Variants in NCOR2 observed in about 807,000 individuals in gnomAD.
NCOR2 encodes the protein CTG repeat protein 26.
In NCOR2, 81 loss-of-function variants were observed where a neutral mutation model predicts 262.9. That is an observed-to-expected ratio of 0.31 (90% CI 0.26 to 0.37). The LOEUF (loss-of-function observed/expected upper bound fraction) is 0.37. NCOR2 is among the 10% of genes least tolerant of loss of function. The probability of loss-of-function intolerance (pLI) is 1.00; values close to 1 mark genes in which losing one functional copy is unlikely to be tolerated. For missense variants in NCOR2, 3,385 were observed against 3,621.4 expected, an observed-to-expected ratio of 0.93 and a Z score of 1.68; for synonymous variants, 1,659 against 1,559.3, an observed-to-expected ratio of 1.06 and a Z score of -1.51.
intron 22 of NCOR2, among the ~76,000 whole-genome samples, chr12:124,360,901 G>C (rs1233252595): frequency 6.6e-6 from 1 of 152,122 alleles, no homozygotes; most frequent in African/African-American, 2.4e-5. Flanking sequence ...GTGTTCCCTG[G>C]TTTAACATCC....
intron 37 of NCOR2, among the ~76,000 whole-genome samples, chr12:124,338,868 A>C: frequency 6.6e-6 from 1 of 151,064 alleles, no homozygotes. Context: ...TACTCATCCA[A>C]CCATCCATTC....
intron 23 of NCOR2, among the ~76,000 whole-genome samples, 194 bp downstream of exon 25, chr12:124,356,448 G>A (rs1334920971): frequency 2.0e-5 from 3 of 152,194 alleles, no homozygotes; most frequent in African/African-American, 4.8e-5. Context: ...CCTCTTGCCA[G>A]TGGCTTCCAT....
In NCOR2 at chr12:124,517,344, T is replaced by C. The variant is rs1352203085; in HGVS notation, c.-118+18221A>G. Among the ~76,000 whole-genome samples the C allele has an allele frequency of 6.6e-6, 1 of 151,898 alleles. No homozygotes were observed. The highest frequency in any genetic ancestry group is 1.5e-5 in the Non-Finnish European group (1 of 67,956). On this transcript the variant is annotated intron_variant, in intron 1 of 46. Transcript: ENST00000404621. This position sits in a 1 kb window ranked among gnomAD's most constrained non-coding sequence, Gnocchi z 7.6. Reference sequence around the variant, plus strand: ...CGGCGCACCCAGACCTCAGGACAAATCACTCCCTCATCCCCCCGGTTTGCA... The same window carrying C: ...CGGCGCACCCAGACCTCAGGACAAACCACTCCCTCATCCCCCCGGTTTGCA...
chr12:124,383,309 G>T, intron 17 of NCOR2: 1 of 202,818 alleles, frequency 4.9e-6, no homozygotes, highest in Non-Finnish European at 9.8e-6. Context: ...CAGCTCTCCT[G>T]GGCCCAGTCC....
chr12:124,402,456 C>T, exon 14 of NCOR2: 3 of 1,613,508 alleles, frequency 1.9e-6, no homozygotes, highest in Non-Finnish European at 2.5e-6. Context: ...TCCTCCTTCT[C>T]CGCCTCCTTT....
chr12:124,419,230 G>A (rs535742847), intron 13 of NCOR2, among the ~76,000 whole-genome samples: 1 of 152,224 alleles, frequency 6.6e-6, no homozygotes, highest in Admixed American at 6.5e-5. Flanking sequence ...GGAGGAAAAA[G>A]CAAACTTTTT....
rs2136071468 is a variant in NCOR2 at position 124,378,475 on chromosome 12, G to A, written c.2020-91C>T. On this transcript the variant is annotated intron_variant, in intron 17 of 46. Coordinates refer to ENST00000405201, the Ensembl canonical transcript of NCOR2. The surrounding 1 kb of genome is among the most constrained non-coding windows in gnomAD (Gnocchi z 4.2). ...CCTGGGGCCTCGCCGCAGGTGCAAAGGGCAGTGATCCCGGCCATGTAGCAA... is the reference window on the plus strand; with the variant it reads ...CCTGGGGCCTCGCCGCAGGTGCAAAAGGCAGTGATCCCGGCCATGTAGCAA... 1.5e-6 allele frequency: 2 copies of A among 1,337,052 alleles called. No individual in the cohort carries two copies. The highest frequency in any genetic ancestry group is 1.0e-6 in the Non-Finnish European group (1 of 993,720). 82.8% of individuals were successfully genotyped at this position (1,337,052 alleles called of 1,614,324 possible).
intron 44 of NCOR2, among the ~76,000 whole-genome samples, chr12:124,329,920 G>C (rs1163399354): frequency 6.6e-6 from 1 of 152,052 alleles, no homozygotes; most frequent in African/African-American, 2.4e-5. Flanking sequence ...TCTTCTTCCC[G>C]TTGCCTGAGG....
intron 7 of NCOR2, among the ~76,000 whole-genome samples, chr12:124,449,428 C>T (rs559757915): frequency 2.6e-5 from 4 of 152,326 alleles, no homozygotes; most frequent in South Asian, 2.1e-4. Flanking sequence ...ACCAGGCCCC[C>T]GCCTGCTCTG....
rs2040891119 is a variant in NCOR2, at chr12:124,387,367, G to A, written c.1877-1480C>T. Among the ~76,000 whole-genome samples, 3 of 152,008 alleles carry A rather than the reference G, an allele frequency of 2.0e-5. No individual in the cohort carries two copies. In the South Asian group the frequency reaches 6.2e-4, roughly 32 times the overall value. ...CTAACTGACACACAGAGTTTGCAAA[G>A]CCCTTCAAAGACTTGGTTCCGTCTC... On this transcript the variant is annotated intron_variant, in intron 16 of 46. Transcript: ENST00000405201.
At chr12:124,355,522 C>G in exon 24 of NCOR2, 1 of 1,602,286 alleles carries the variant, frequency 6.2e-7, no homozygotes, top group Non-Finnish European at 8.5e-7. Context: ...TGGGTGGGCG[C>G]GGCAGGACGG....
chr12:124,422,621 G>A (rs1374189377), intron 11 of NCOR2, 66 bp from the exon 14 acceptor site: 24 of 1,587,960 alleles, frequency 1.5e-5, no homozygotes, highest in Non-Finnish European at 1.9e-5. Context: ...GCAGCCGATC[G>A]GCTCCCAGGC....
intron 4 of NCOR2, among the ~76,000 whole-genome samples, chr12:124,470,205 G>A (rs1486238586): frequency 6.6e-6 from 1 of 151,872 alleles, no homozygotes; most frequent in Non-Finnish European, 1.5e-5. Flanking sequence ...GGTCGGTGAG[G>A]ATGTGGAAAA....
Position 124,454,364 on chromosome 12 carries a change from GCT to G in NCOR2, c.762+2740_762+2741del, listed in dbSNP as rs1209151306. On this transcript the variant is annotated intron_variant, in intron 6 of 46. Coordinates refer to ENST00000405201, the Ensembl canonical transcript of NCOR2. The surrounding 1 kb of genome is among the most constrained non-coding windows in gnomAD (Gnocchi z 5.6). ...TGCCATCAGCCTTGTGGAAGCCTCT[GCT>G]CTGAGATCCCCAAGTGGAAGACAAC... 1.3e-5 allele frequency among the ~76,000 whole-genome samples: 2 copies of G among 152,140 alleles called. No individual in the cohort carries two copies. Among genetic ancestry groups the G allele is most frequent in the African/African-American group, 4.8e-5 (2 of 41,406 alleles).
chr12:124,519,783 C>G (rs2050071838), intron 1 of NCOR2, among the ~76,000 whole-genome samples: 1 of 152,212 alleles, frequency 6.6e-6, no homozygotes, highest in African/African-American at 2.4e-5. Flanking sequence ...CTAAGCGGGT[C>G]CCCTGGTTCA....
chr12:124,420,118 G>A, intron 12 of NCOR2, 63 bp from the exon 15 acceptor site: 2 of 1,395,752 alleles, frequency 1.4e-6, no homozygotes, highest in Non-Finnish European at 2.0e-6. Context: ...GCAGGAGCCA[G>A]GAGCTCACAT....
intron 7 of NCOR2, among the ~76,000 whole-genome samples, chr12:124,438,714 G>T (rs537464153): frequency 4.5e-4 from 68 of 152,032 alleles, no homozygotes; most frequent in African/African-American, 1.5e-3. Flanking sequence ...GAGGGAGACA[G>T]AGACCCAGAG....
At chr12:124,441,814 CAT>C (rs1241471765) in intron 7 of NCOR2, among the ~76,000 whole-genome samples, 1 of 152,220 alleles carries the variant, frequency 6.6e-6, no homozygotes, top group Non-Finnish European at 1.5e-5. Context: ...AGCCCCCTAT[CAT>C]GTGGGCATCA....
intron 17 of NCOR2, among the ~76,000 whole-genome samples, chr12:124,382,444 G>C (rs1015460411): frequency 1.3e-5 from 2 of 152,204 alleles, no homozygotes; most frequent in Non-Finnish European, 2.9e-5. Flanking sequence ...TCCCAACCTG[G>C]ATCTCGGGGT....
Sources: allele counts gnomAD v4.1 joint callset (sites outside exome capture counted in the v4.1 genomes callset), GRCh38; gene constraint gnomAD v4.1.1; non-coding constraint Gnocchi (gnomAD v3.1); transcripts MANE v1.5; gene names NCBI Gene and HGNC (gene_info 2026-07-23, HGNC 2026-07-21).